PHLPP1: variants seen among roughly 807,000 people sequenced by gnomAD.
PHLPP1 encodes PH domain and leucine rich repeat protein phosphatase 1.
Under a neutral mutation model 117.2 loss-of-function variants are expected in PHLPP1, and 42 were observed. That is an observed-to-expected ratio of 0.36 (90% CI 0.28 to 0.46). The LOEUF (loss-of-function observed/expected upper bound fraction) is 0.46. Among genes scored for constraint, PHLPP1 ranks in the 20% least tolerant of loss-of-function variants. PHLPP1 has a pLI of 1.00. For synonymous variants in PHLPP1, 1,042 were observed against 970.7 expected (o/e 1.07, Z -1.37); for missense variants, 2,084 against 2,241.9 (o/e 0.93, Z 1.42).
At chr18:62,816,976 C>T (rs980353374) in intron 1 of PHLPP1, among the ~76,000 whole-genome samples, 2 of 152,182 alleles carry the variant, frequency 1.3e-5, no homozygotes, top group Non-Finnish European at 2.9e-5. Context: ...GGGTCTTGCT[C>T]TGTTGCCCAG....
At chr18:62,869,258 C>G (rs995076382) in intron 4 of PHLPP1, among the ~76,000 whole-genome samples, 3 of 152,132 alleles carry the variant, frequency 2.0e-5, no homozygotes, top group Non-Finnish European at 4.4e-5. Context: ...ATCAGGGACT[C>G]TGGTTCGTTT....
chr18:62,801,880 T>G (rs1913795283), intron 1 of PHLPP1, among the ~76,000 whole-genome samples: 1 of 152,238 alleles, frequency 6.6e-6, no homozygotes, highest in Non-Finnish European at 1.5e-5. Context: ...CATATTTAAC[T>G]TTTATGTCAT....
chr18:62,745,641 T>C (rs1911654293), intron 1 of PHLPP1, among the ~76,000 whole-genome samples: 1 of 152,184 alleles, frequency 6.6e-6, no homozygotes, highest in African/African-American at 2.4e-5. Flanking sequence ...ATTTTAATAG[T>C]ACCACCGTTC....
At chr18:62,762,388 C>T (rs1599031850) in intron 1 of PHLPP1, among the ~76,000 whole-genome samples, 1 of 143,544 alleles carries the variant, frequency 7.0e-6, no homozygotes, top group Non-Finnish European at 1.5e-5. Context: ...GAAATTACTT[C>T]TGTTTTCTTG....
intron 1 of PHLPP1, among the ~76,000 whole-genome samples, chr18:62,766,802 T>C (rs894109160): frequency 1.3e-5 from 2 of 152,210 alleles, no homozygotes; most frequent in African/African-American, 4.8e-5. Flanking sequence ...AAATATTGAA[T>C]CTCTTTTACT....
At chr18:62,922,221 C>T (rs915172848) in intron 10 of PHLPP1, among the ~76,000 whole-genome samples, 3 of 152,192 alleles carry the variant, frequency 2.0e-5, no homozygotes, top group African/African-American at 7.2e-5. Context: ...ATTGCAACCT[C>T]CACCTCCTGG....
In PHLPP1 at chr18:62,785,486, C is replaced by T. The variant is rs549456098; in HGVS notation, c.1577-44549C>T. On this transcript the variant is annotated intron_variant, in intron 1 of 16. Transcript: ENST00000262719. ...TGTGGCTATTAGAGATGGTGTTGGGCAAGATTGATCTACCTAGATTGTAAA... is the reference window on the plus strand; with the variant it reads ...TGTGGCTATTAGAGATGGTGTTGGGTAAGATTGATCTACCTAGATTGTAAA... 2.0e-5 allele frequency among the ~76,000 whole-genome samples: 3 copies of T among 152,178 alleles called. No homozygotes were observed. The East Asian group carries it at 5.8e-4, about 29-fold the overall frequency.
intron 12 of PHLPP1, among the ~76,000 whole-genome samples, chr18:62,945,703 A>G (rs1401936877): frequency 6.6e-6 from 1 of 152,204 alleles, no homozygotes; most frequent in Non-Finnish European, 1.5e-5. Context: ...ACACCCCACC[A>G]TATTAGCCCA....
chr18:62,836,363 C>T (rs867367822), intron 2 of PHLPP1, among the ~76,000 whole-genome samples: 2 of 151,308 alleles, frequency 1.3e-5, no homozygotes, highest in Admixed American at 6.6e-5. Context: ...ACCTGGGAGG[C>T]AGAGGTTGCA....
Position 62,978,293 on chromosome 18 carries a change from C to A in PHLPP1, c.4016C>A (p.Thr1339Lys). The A allele has an allele frequency of 6.2e-7, 1 of 1,610,430 alleles. No homozygotes were observed. Among genetic ancestry groups the A allele is most frequent in the Non-Finnish European group, 8.5e-7 (1 of 1,177,548 alleles). ...AAGGTGAACGGAGTGACTGAGTCCA[C>A]GCGCATCCTGGGCTACACCTTCCTC... ...DGKVNGVTES[T>K]RILGYTFLHP... The change falls in exon 17 of 17, where the codon ACG becomes AAG. Residue 1339 changes from threonine (T) to lysine (K), a missense_variant. Coordinates refer to ENST00000262719, the MANE Select transcript of PHLPP1 (RefSeq NM_194449.4). The surrounding 1 kb of genome is among the most constrained non-coding windows in gnomAD (Gnocchi z 7.0).
intron 16 of PHLPP1, among the ~76,000 whole-genome samples, chr18:62,976,265 T>C (rs1007250906): frequency 3.3e-5 from 5 of 152,206 alleles, no homozygotes; most frequent in Non-Finnish European, 7.3e-5. Context: ...CTGAGCATCC[T>C]ACAGCGCTGC....
chr18:62,978,232 CTG>C lies in PHLPP1; in HGVS notation c.3985-28_3985-27del. ...AGTTGCCGCAGGTGCTCTGTATTAA[CTG>C]TCTGTCTGCAAACCCTTGTTCTTCC... On this transcript the variant is annotated intron_variant, in intron 16 of 16. Coordinates refer to ENST00000262719, the MANE Select transcript of PHLPP1 (RefSeq NM_194449.4). The surrounding 1 kb of genome is among the most constrained non-coding windows in gnomAD (Gnocchi z 7.0). 3.6e-6 allele frequency: 5 copies of C among 1,393,362 alleles called. No individual in the cohort carries two copies. Among genetic ancestry groups the C allele is most frequent in the Non-Finnish European group, 4.0e-6 (4 of 998,622 alleles). The allele number at this position is 1,393,362 out of a possible 1,614,324, so 86.3% of individuals were successfully genotyped here. A position where few individuals can be genotyped will look rare whatever the true frequency, so the allele number is the denominator to read the frequency against.
intron 4 of PHLPP1, among the ~76,000 whole-genome samples, chr18:62,868,987 T>G (rs1915833962): frequency 6.6e-6 from 1 of 152,244 alleles, no homozygotes; most frequent in Non-Finnish European, 1.5e-5. Context: ...TTTCAGCTGT[T>G]GTTTAAAATC....
chr18:62,799,330 A>G (rs1335509283), intron 1 of PHLPP1, among the ~76,000 whole-genome samples: 1 of 152,224 alleles, frequency 6.6e-6, no homozygotes, highest in African/African-American at 2.4e-5. Flanking sequence ...GAGGATGTAC[A>G]GTCTGTTGGC....
intron 1 of PHLPP1, chr18:62,731,133 T>A (rs1336421678): frequency 6.6e-6 from 1 of 152,246 alleles, no homozygotes; most frequent in Non-Finnish European, 1.5e-5. Flanking sequence ...GCAACGTTTT[T>A]TCCAACAGCA....
chr18:62,820,188 A>T (rs1410938985), intron 1 of PHLPP1, among the ~76,000 whole-genome samples: 1 of 152,248 alleles, frequency 6.6e-6, no homozygotes, highest in Non-Finnish European at 1.5e-5. Context: ...GAACTTCAGT[A>T]TAAATAAATC....
intron 1 of PHLPP1, among the ~76,000 whole-genome samples, chr18:62,750,533 G>GT (rs1173587344): frequency 2.6e-5 from 4 of 152,240 alleles, no homozygotes; most frequent in African/African-American, 9.6e-5. Context: ...TATTTTTATA[G>GT]TTTTTTTCAA....
intron 1 of PHLPP1, among the ~76,000 whole-genome samples, chr18:62,780,896 G>C (rs187917159): frequency 1.6e-4 from 25 of 152,212 alleles, no homozygotes; most frequent in Admixed American, 9.8e-4. Flanking sequence ...CCAGCTTCTT[G>C]GTTAGTGTGA....
At position 62,849,832 on chromosome 18, in the gene PHLPP1, A is replaced by ATATATAT. The variant is rs747097979; in HGVS notation, c.1900-10603_1900-10602insTATATAT. Reference sequence around the variant, plus strand: ...AAAAAAAAAAAAAAAAAAAAAAAAAAATATATATATCCTTTAAAGTTTAGT... The same window carrying ATATATAT: ...AAAAAAAAAAAAAAAAAAAAAAAAAATATATATATATATATATCCTTTAAAGTTTAGT... On this transcript the variant is annotated intron_variant, in intron 3 of 16. Transcript: ENST00000262719. Among the ~76,000 whole-genome samples, 183 of 33,076 alleles carry ATATATAT rather than the reference A, an allele frequency of 5.5e-3. 30 individuals are homozygous for ATATATAT. Among genetic ancestry groups the ATATATAT allele is most frequent in the Non-Finnish European group, 7.4e-3 (140 of 19,020 alleles). The allele number at this position is 33,076 out of a possible 152,430, so 21.7% of individuals were successfully genotyped here.
Sources: allele counts gnomAD v4.1 joint callset (sites outside exome capture counted in the v4.1 genomes callset), GRCh38; gene constraint gnomAD v4.1.1; non-coding constraint Gnocchi (gnomAD v3.1); transcripts MANE v1.5; gene names NCBI Gene and HGNC (gene_info 2026-07-23, HGNC 2026-07-21).